The following ARID1B variants were observed in gnomAD, a reference collection of about 807,000 sequenced individuals.
ARID1B encodes the protein AT-rich interactive domain-containing protein 1B.
In ARID1B, 30 loss-of-function variants were observed where a neutral mutation model predicts 212.3. The ratio of observed to expected loss-of-function variants is 0.14; its 90% CI spans 0.11 to 0.19. The LOEUF is 0.19. ARID1B is among the 10% of genes least tolerant of loss of function. The probability of loss-of-function intolerance (pLI) is 1.00; values close to 1 mark genes in which losing one functional copy is unlikely to be tolerated. For synonymous variants in ARID1B, 1,402 were observed against 1,301.7 expected (o/e 1.08, Z -1.66); for missense variants, 2,891 against 3,204.0 (o/e 0.90, Z 2.36).
At chr6:157,017,521 C>T (rs866079120) in intron 4 of ARID1B, among the ~76,000 whole-genome samples, 129 of 152,194 alleles carry the variant, frequency 8.5e-4, no homozygotes, top group African/African-American at 3.0e-3. Context: ...TACCTTGTTC[C>T]CAAAGGGATT....
At chr6:156,872,578 C>A (rs1013760201) in intron 2 of ARID1B, among the ~76,000 whole-genome samples, 3 of 152,190 alleles carry the variant, frequency 2.0e-5, no homozygotes, top group Non-Finnish European at 4.4e-5. Flanking sequence ...GCCTCAGCCT[C>A]CCAAAGTGCT....
intron 1 of ARID1B, among the ~76,000 whole-genome samples, chr6:156,794,936 C>G (rs1003050822): frequency 2.0e-5 from 3 of 152,118 alleles, no homozygotes; most frequent in African/African-American, 7.2e-5. Context: ...TAGTCATTAT[C>G]AGACATAGAA....
intron 4 of ARID1B, among the ~76,000 whole-genome samples, chr6:157,050,391 A>C (rs983574648): frequency 2.0e-5 from 3 of 152,122 alleles, no homozygotes; most frequent in Non-Finnish European, 4.4e-5. Context: ...TAAAAATACA[A>C]AAATTAGCCA....
chr6:156,818,352 C>T (rs1024788360), intron 1 of ARID1B, among the ~76,000 whole-genome samples: 2 of 151,982 alleles, frequency 1.3e-5, no homozygotes, highest in East Asian at 3.8e-4. Context: ...TGGTAATTTT[C>T]TTATCTTAAC....
rs547451272 is a variant in ARID1B, at chr6:157,086,913, G to A, written c.2491+2008G>A. Among the ~76,000 whole-genome samples, 91 of 152,310 alleles carry A rather than the reference G, an allele frequency of 6.0e-4. 1 individual carries two copies. The highest frequency in any genetic ancestry group is 9.8e-4 in the Non-Finnish European group (67 of 68,026). On this transcript the variant is annotated intron_variant, in intron 5 of 19. Transcript: ENST00000636930. ...CTTCGCAGTGACTGCAGATGCGTGC[G>A]GACGGAGAGCACAAGGATCTCACTA...
intron 2 of ARID1B, among the ~76,000 whole-genome samples, chr6:156,854,631 C>T (rs978771955): frequency 1.3e-5 from 2 of 152,264 alleles, no homozygotes; most frequent in African/African-American, 4.8e-5. Flanking sequence ...TTACAGCCTG[C>T]TGCTGTAAAC....
At chr6:156,830,992 T>G (rs1284240449) in intron 2 of ARID1B, among the ~76,000 whole-genome samples, 1 of 152,242 alleles carries the variant, frequency 6.6e-6, no homozygotes, top group African/African-American at 2.4e-5. Flanking sequence ...TAGCAGTCAG[T>G]TGCATACTTA....
At chr6:157,058,732 G>A (rs1783135662) in intron 4 of ARID1B, among the ~76,000 whole-genome samples, 1 of 152,236 alleles carries the variant, frequency 6.6e-6, no homozygotes, top group South Asian at 2.1e-4. Context: ...TGGGTGCTGA[G>A]GACACTAGCG....
intron 1 of ARID1B, among the ~76,000 whole-genome samples, chr6:156,795,141 GC>G (rs1780275678): frequency 6.6e-6 from 1 of 152,252 alleles, no homozygotes; most frequent in South Asian, 2.1e-4. Context: ...TTAGAGGAAA[GC>G]CTGCTTGGCT....
intron 1 of ARID1B, among the ~76,000 whole-genome samples, chr6:156,786,032 G>T (rs569940501): frequency 1.3e-4 from 20 of 152,296 alleles, no homozygotes; most frequent in African/African-American, 4.6e-4. Context: ...GAGGGTATTT[G>T]TTGAGAGAAA....
chr6:157,157,078 C>G (rs1583420676), intron 8 of ARID1B, among the ~76,000 whole-genome samples: 1 of 152,150 alleles, frequency 6.6e-6, no homozygotes, highest in East Asian at 1.9e-4. Context: ...TACTCAGTTC[C>G]CCACCACACC....
At chr6:156,884,582 G>C (rs559351076) in intron 2 of ARID1B, among the ~76,000 whole-genome samples, 28 of 152,300 alleles carry the variant, frequency 1.8e-4, no homozygotes, top group South Asian at 1.5e-3. Flanking sequence ...AGGATGGAGT[G>C]CCCAAACTCC....
chr6:157,139,898 A>AT (rs1789215920), intron 7 of ARID1B, among the ~76,000 whole-genome samples: 1 of 151,276 alleles, frequency 6.6e-6, no homozygotes, highest in South Asian at 2.1e-4. Flanking sequence ...AATTTTTCAT[A>AT]TTTTTAGTAG....
chr6:156,865,681 T>C lies in ARID1B; in HGVS notation c.1987-35695T>C, dbSNP rs895248876. Among the ~76,000 whole-genome samples the C allele has an allele frequency of 2.0e-5, 3 of 152,264 alleles. No homozygotes were observed. In the South Asian group the frequency reaches 6.2e-4, roughly 32 times the overall value. On this transcript the variant is annotated intron_variant, in intron 2 of 19. Transcript: ENST00000636930. Reference sequence around the variant, plus strand: ...CATACTAGACTTTTAACTTTATCTCTTCTTCTATTTTTCATGTCTTTTCCT... The same window carrying C: ...CATACTAGACTTTTAACTTTATCTCCTCTTCTATTTTTCATGTCTTTTCCT...
chr6:157,091,761 G>A (rs2128476461), intron 5 of ARID1B, among the ~76,000 whole-genome samples: 1 of 152,146 alleles, frequency 6.6e-6, no homozygotes, highest in Middle Eastern at 3.4e-3. Context: ...TTTTAATTTG[G>A]CCTTAATAAA....
At chr6:157,188,625 G>A (rs1793144372) in intron 13 of ARID1B, among the ~76,000 whole-genome samples, 1 of 152,154 alleles carries the variant, frequency 6.6e-6, no homozygotes, top group African/African-American at 2.4e-5. Flanking sequence ...TGTTCGGGGG[G>A]TTCTGCACGT....
In ARID1B at chr6:156,778,809, C is replaced by G. The variant is rs1554247766; in HGVS notation, c.1129C>G (p.Gln377Glu). 1 of 1,489,050 alleles carries G rather than the reference C, an allele frequency of 6.7e-7. No homozygotes were observed. The highest frequency in any genetic ancestry group is 9.0e-7 in the Non-Finnish European group (1 of 1,115,950). The allele number at this position is 1,489,050 out of a possible 1,614,324, so 92.2% of individuals were successfully genotyped here. ...QNSHEGYPNS[Q>E]CNHYPGYSRP... ...CTCCCACGAAGGGTACCCCAACAGC[C>G]AGTGCAACCATTATCCGGGCTACAG... The change falls in exon 1 of 20, where the codon CAG becomes GAG. Residue 377 changes from glutamine to glutamate, a missense_variant. Gln to Glu is a conservative substitution (Grantham distance 29, BLOSUM62 2). Transcript: ENST00000636930.
rs1472751528 is a variant in ARID1B at position 156,826,941 on chromosome 6, G to A, written c.1792-2286G>A. On this transcript the variant is annotated intron_variant, in intron 1 of 19. Coordinates refer to ENST00000636930, the MANE Select transcript of ARID1B (RefSeq NM_001374828.1). ...TCCCTTAAGCGGTGATATTCTCTAG[G>A]ATTCTGTTCGCTACCCATTGTTTTC... Among the ~76,000 whole-genome samples, 3 of 152,166 alleles carry A rather than the reference G, an allele frequency of 2.0e-5. No individual in the cohort carries two copies. The East Asian group carries it at 5.8e-4, about 29-fold the overall frequency.
chr6:157,018,988 G>A (rs974032007), intron 4 of ARID1B, among the ~76,000 whole-genome samples: 4 of 152,080 alleles, frequency 2.6e-5, no homozygotes, highest in African/African-American at 9.7e-5. Flanking sequence ...AAAAAATACG[G>A]TAGGCTCAGC....
Sources: gnomAD v4.1 joint callset for allele counts (sites outside exome capture counted in the v4.1 genomes callset) on GRCh38, gnomAD v4.1.1 for gene constraint, MANE v1.5 for transcripts, NCBI Gene and HGNC (gene_info 2026-07-23, HGNC 2026-07-21) for gene names.